ARHGAP12: variants seen among roughly 807,000 people sequenced by gnomAD.
ARHGAP12 encodes the protein Rho GTPase activating protein 12.
ARHGAP12 carries 64 observed loss-of-function variants against 108.6 expected under a neutral mutation model. That is an observed-to-expected ratio of 0.59 (90% CI 0.48 to 0.73). The LOEUF is 0.73. ARHGAP12 is among the 30% of genes least tolerant of loss of function. ARHGAP12 has a pLI of 0.00. For missense variants in ARHGAP12, 940 were observed against 1,005.9 expected (o/e 0.93, Z 0.89); for synonymous variants, 312 against 337.2 (o/e 0.93, Z 0.82).
At chr10:31,856,262 C>G (rs1017053982) in intron 4 of ARHGAP12, among the ~76,000 whole-genome samples, 16 of 151,888 alleles carry the variant, frequency 1.1e-4, no homozygotes, top group Non-Finnish European at 7.4e-5. Flanking sequence ...TCAAGACAGT[C>G]AAGCAGAAGA....
At chr10:31,918,925 A>AT in intron 1 of ARHGAP12, among the ~76,000 whole-genome samples, 1 of 152,252 alleles carries the variant, frequency 6.6e-6, no homozygotes, top group East Asian at 1.9e-4. Flanking sequence ...TCAAACAGAT[A>AT]TTTGTATATC....
In ARHGAP12 at chr10:31,831,781, A is replaced by C. The variant is rs1266034248; in HGVS notation, c.1406T>G (p.Leu469Ter). 1.3e-6 allele frequency: 2 copies of C among 1,581,742 alleles called. No homozygotes were observed. Among genetic ancestry groups the C allele is most frequent in the South Asian group, 1.1e-5 (1 of 89,330 alleles). ...TTCAGCAATTTTTGTTACATTTAAT[A>C]ATCCATATTTCTCTTGATCCTATGG... Reference protein sequence around the residue: ...SSPKDQEKYGLLNVTKIAENG... With the variant: ...SSPKDQEKYG The change falls in exon 10 of 20, where the codon TTA becomes TGA. Residue 469 changes from leucine (L) to a stop codon, truncating the protein, a stop_gained. Coordinates refer to ENST00000344936, the MANE Select transcript of ARHGAP12 (RefSeq NM_018287.7). LOFTEE classifies it high-confidence loss of function.
chr10:31,907,552 T>C (rs1839185274), intron 3 of ARHGAP12, among the ~76,000 whole-genome samples: 1 of 151,600 alleles, frequency 6.6e-6, no homozygotes, highest in Non-Finnish European at 1.5e-5. Context: ...GAAGATCACT[T>C]GAGCCCAGGA....
rs769644297 is a variant in ARHGAP12 at position 31,854,195 on chromosome 10, C to A, written c.960G>T (p.Ser320=). The A allele has an allele frequency of 5.0e-6, 8 of 1,604,126 alleles. No individual in the cohort carries two copies. Among genetic ancestry groups the A allele is most frequent in the Middle Eastern group, 1.7e-4 (1 of 6,030 alleles). The change falls in exon 5 of 20, where the codon TCG becomes TCT. Residue 320 remains serine, a synonymous_variant. Coordinates refer to ENST00000344936, the MANE Select transcript of ARHGAP12 (RefSeq NM_018287.7). ...QNPGDQELLS[S]EENYYSTSYS... is the part of the protein sequence containing the mutation. Reference sequence around the variant, plus strand: ...AAGAAGTGCTGTAGTAGTTTTCTTCCGATGAAAGAAGCTACAAATAGTCAG... The same window carrying A: ...AAGAAGTGCTGTAGTAGTTTTCTTCAGATGAAAGAAGCTACAAATAGTCAG...
In ARHGAP12 at chr10:31,908,985, G is replaced by C. The variant is rs773736786; in HGVS notation, c.-71-59C>G. ...AAAAAGTTAATGCAATCTGGATTTC[G>C]TATTTACTCACAAGCATCATATAGT... On this transcript the variant is annotated intron_variant, in intron 2 of 19. Transcript: ENST00000344936. The C allele has an allele frequency of 5.6e-6, 5 of 896,404 alleles. No individual in the cohort carries two copies. In the African/African-American group the frequency reaches 6.7e-5, roughly 12 times the overall value. The allele number at this position is 896,404 out of a possible 1,614,324, so 55.5% of individuals were successfully genotyped here. A position where few individuals can be genotyped will look rare whatever the true frequency, so the allele number is the denominator to read the frequency against.
Position 31,861,577 on chromosome 10 carries a change from G to A in ARHGAP12, c.766C>T (p.Leu256Phe), listed in dbSNP as rs1215166940. 22 of 1,614,064 alleles carry A rather than the reference G, an allele frequency of 1.4e-5. No individual in the cohort carries two copies. The Admixed American group carries it at 1.7e-4, about 12-fold the overall frequency. The change falls in exon 4 of 20, where the codon CTT (leucine) becomes TTT (phenylalanine). Residue 256 changes from leucine (L) to phenylalanine (F), a missense_variant. Physicochemically the swap from Leu to Phe is conservative, Grantham distance 22. Coordinates refer to ENST00000344936, the MANE Select transcript of ARHGAP12 (RefSeq NM_018287.7). ...LQELKISQSALPPLPGSPAIQ... is the reference protein window; with the variant it reads ...LQELKISQSAFPPLPGSPAIQ... ...GCCGGGCTCCCAGGAAGTGGGGGAA[G>A]AGCAGACTGGGATATTTTCAGTTCT...
At chr10:31,848,130 A>G (rs1246445786) in intron 6 of ARHGAP12, among the ~76,000 whole-genome samples, 1 of 152,186 alleles carries the variant, frequency 6.6e-6, no homozygotes, top group Non-Finnish European at 1.5e-5. Context: ...TCCTTGTGTC[A>G]TATTTGTTCA....
chr10:31,902,924 A>G (rs1221310523), intron 3 of ARHGAP12, among the ~76,000 whole-genome samples: 13 of 152,138 alleles, frequency 8.5e-5, no homozygotes, highest in Admixed American at 7.9e-4. Flanking sequence ...CCAGAATGTG[A>G]GTGGGCCTCA....
At chr10:31,904,334 C>T (rs2808040) in intron 3 of ARHGAP12, among the ~76,000 whole-genome samples, 145,092 of 152,290 alleles carry the variant, frequency 0.95, 69,145 homozygotes, top group East Asian at 1. Flanking sequence ...TACAGAGTTA[C>T]ACTGAATGAA....
intron 1 of ARHGAP12, among the ~76,000 whole-genome samples, chr10:31,916,875 A>G (rs1839578509): frequency 6.6e-6 from 1 of 152,044 alleles, no homozygotes; most frequent in South Asian, 2.1e-4. Flanking sequence ...TTGGCCTCCC[A>G]AAGTGCTGGG....
rs1473089838 is a variant in ARHGAP12, at chr10:31,843,496, T to C, written c.1261A>G (p.Arg421Gly). Residue 421 changes from arginine to glycine, a missense_variant, in exon 7 of 20, where the codon AGA (arginine) becomes GGA (glycine). Physicochemically the swap from Arg to Gly is moderately radical, Grantham distance 125 (BLOSUM62 -2). Coordinates refer to ENST00000344936, the MANE Select transcript of ARHGAP12 (RefSeq NM_018287.7). ...LQEPIVLTKW[R>G]HSTIVLDTND... ...GTGTCCAATACAATGGTGCTATGTC[T>C]CCACTTTGTTAATACTATTGGTTCT... 2 of 1,612,956 alleles carry C rather than the reference T, an allele frequency of 1.2e-6. No homozygotes were observed. Among genetic ancestry groups the C allele is most frequent in the Admixed American group, 1.7e-5 (1 of 59,704 alleles).
At chr10:31,898,086 T>C (rs1226106501) in intron 3 of ARHGAP12, among the ~76,000 whole-genome samples, 1 of 152,108 alleles carries the variant, frequency 6.6e-6, no homozygotes, top group Non-Finnish European at 1.5e-5. Flanking sequence ...ATCGCACCAC[T>C]GCACTCCATC....
At chr10:31,845,410 C>T (rs950834592) in intron 6 of ARHGAP12, among the ~76,000 whole-genome samples, 1 of 152,106 alleles carries the variant, frequency 6.6e-6, no homozygotes, top group Non-Finnish European at 1.5e-5. Flanking sequence ...AATGGGAAAG[C>T]TTCTGTAATC....
chr10:31,849,057 TAA>T (rs776665652), intron 6 of ARHGAP12, among the ~76,000 whole-genome samples: 12 of 143,892 alleles, frequency 8.3e-5, no homozygotes, highest in Admixed American at 1.4e-4. Flanking sequence ...GACTCGTCTT[TAA>T]AAAAAAAAAA....
At chr10:31,888,045 T>C (rs1244924242) in intron 3 of ARHGAP12, among the ~76,000 whole-genome samples, 1 of 152,186 alleles carries the variant, frequency 6.6e-6, no homozygotes, top group Admixed American at 6.5e-5. Flanking sequence ...ATAATAAGTT[T>C]GGATGCTCTA....
Position 31,874,998 on chromosome 10 carries a change from AAAAAT to A in ARHGAP12, c.685-13345_685-13341del, listed in dbSNP as rs1235775022. Among the ~76,000 whole-genome samples, 4 of 150,276 alleles carry A rather than the reference AAAAAT, an allele frequency of 2.7e-5. 1 individual carries two copies. The highest frequency in any genetic ancestry group is 3.9e-4 in the East Asian group (2 of 5,164). ...CAAAAAAAAAAAAAAAAAAAAAAAAAAAAATTTTCACACACATACTCATGTATCTG... is the reference window on the plus strand; with the variant it reads ...CAAAAAAAAAAAAAAAAAAAAAAAAATTTCACACACATACTCATGTATCTG... On this transcript the variant is annotated intron_variant, in intron 3 of 19. Transcript: ENST00000344936.
At chr10:31,839,464 A>C in intron 8 of ARHGAP12, 145 bp from the exon 9 acceptor site, 1 of 1,086,748 alleles carries the variant, frequency 9.2e-7, no homozygotes, top group Non-Finnish European at 1.3e-6. Context: ...CAAAAGGGGG[A>C]CTTTTAAATC....
At chr10:31,821,125 T>C (rs1835401319) in intron 11 of ARHGAP12, among the ~76,000 whole-genome samples, 1 of 152,136 alleles carries the variant, frequency 6.6e-6, no homozygotes, top group Admixed American at 6.5e-5. Flanking sequence ...TAACAACAAC[T>C]TGTGGAAACA....
At chr10:31,915,182 T>G in intron 1 of ARHGAP12, among the ~76,000 whole-genome samples, 1 of 151,734 alleles carries the variant, frequency 6.6e-6, no homozygotes, top group East Asian at 1.9e-4. Context: ...AGGTCGGGGG[T>G]TCGAGACCAG....
Sources: allele counts gnomAD v4.1 joint callset (sites outside exome capture counted in the v4.1 genomes callset), GRCh38; gene constraint gnomAD v4.1.1; transcripts MANE v1.5; gene names NCBI Gene and HGNC (gene_info 2026-07-23, HGNC 2026-07-21).